Variants in ZYX observed in about 807,000 individuals in gnomAD.
The protein encoded by ZYX is zyxin.
A neutral mutation model predicts 58.1 loss-of-function variants in ZYX; 37 were observed. The ratio of observed to expected loss-of-function variants is 0.64; its 90% CI spans 0.49 to 0.84. The LOEUF is 0.84. ZYX is among the 40% of genes least tolerant of loss of function. The pLI is 0.00. For missense variants in ZYX, 762 were observed against 761.6 expected (o/e 1.00, Z -0.01); for synonymous variants, 324 against 321.1 (o/e 1.01, Z -0.10).
Position 143,385,660 on chromosome 7 carries a change from C to CTTTTTTTTTTTTTTTT in ZYX, c.1023+2349_1023+2364dup, listed in dbSNP as rs59995035. Among the ~76,000 whole-genome samples the CTTTTTTTTTTTTTTTT allele has an allele frequency of 1.2e-3, 82 of 68,966 alleles. 8 individuals are homozygous for CTTTTTTTTTTTTTTTT. Among genetic ancestry groups the CTTTTTTTTTTTTTTTT allele is most frequent in the Admixed American group, 2.9e-3 (12 of 4,202 alleles). The allele number at this position is 68,966 out of a possible 152,430, so 45.2% of individuals were successfully genotyped here. On this transcript the variant is annotated intron_variant, in intron 5 of 9. Transcript: ENST00000322764. ...TGTGTGAGCGTGTGGTGTGGTATAT[C>CTTTTTTTTTTTTTTTT]TTTTTTTTTTTTTTTTTTTTTTTTT...
chr7:143,383,402 G>T, intron 5 of ZYX, 80 bp downstream of exon 5: 1 of 1,483,140 alleles, frequency 6.7e-7, no homozygotes, highest in East Asian at 2.3e-5. Context: ...ATAAGCATAA[G>T]GTGATTGGAG....
Position 143,382,964 on chromosome 7 carries a change from T to TC in ZYX, c.667dup (p.His223ProfsTer27). The TC allele has an allele frequency of 6.2e-7, 1 of 1,613,500 alleles. No individual in the cohort carries two copies. Among genetic ancestry groups the TC allele is most frequent in the Non-Finnish European group, 8.5e-7 (1 of 1,179,660 alleles). On this transcript the variant is annotated frameshift_variant, in exon 5 of 10. Transcript: ENST00000322764. LOFTEE classifies it high-confidence loss of function. ...GCTCCGGCTCAGAGCCAGACACAGT[T>TC]CCATGTTCAGCCCCAGCCCCAGCCC...
At chr7:143,381,491 G>A in intron 1 of ZYX, 66 bp from the exon 2 acceptor site, 7 of 1,460,268 alleles carry the variant, frequency 4.8e-6, no homozygotes, top group Admixed American at 2.4e-5. Context: ...GTCACCAAGG[G>A]GAGCTGGGAC....
rs59995035 is a variant in ZYX at position 143,385,660 on chromosome 7, C to CTTT, written c.1023+2362_1023+2364dup. On this transcript the variant is annotated intron_variant, in intron 5 of 9. Transcript: ENST00000322764. ...TGTGTGAGCGTGTGGTGTGGTATAT[C>CTTT]TTTTTTTTTTTTTTTTTTTTTTTTT... 5.4e-3 allele frequency among the ~76,000 whole-genome samples: 375 copies of CTTT among 68,966 alleles called. 37 individuals are homozygous for CTTT. Among genetic ancestry groups the CTTT allele is most frequent in the African/African-American group, 9.7e-3 (168 of 17,388 alleles). 45.2% of individuals were successfully genotyped at this position (68,966 alleles called of 152,430 possible). A position where few individuals can be genotyped will look rare whatever the true frequency, so the allele number is the denominator to read the frequency against.
rs770668513 is a variant in ZYX at position 143,389,886 on chromosome 7, C to T, written c.1523C>T (p.Ser508Phe). The change falls in exon 9 of 10, where the codon TCT becomes TTT. Residue 508 changes from serine to phenylalanine, a missense_variant. By Grantham distance (155) the Ser-to-Phe change is radical. Coordinates refer to ENST00000322764, the MANE Select transcript of ZYX (RefSeq NM_003461.5). The surrounding 1 kb of genome is among the most constrained non-coding windows in gnomAD (Gnocchi z 5.6). ...TACGCCCCGAGGTGCTCCGTCTGCT[C>T]TGAGCCCATCATGCCTGAGCCTGGC... The part of the protein sequence containing the change: ...KQYAPRCSVC[S>F]EPIMPEPGRD... The T allele has an allele frequency of 6.2e-7, 1 of 1,614,188 alleles. No homozygotes were observed. The highest frequency in any genetic ancestry group is 8.5e-7 in the Non-Finnish European group (1 of 1,180,022).
At position 143,387,364 on chromosome 7, in the gene ZYX, G is replaced by A. The variant is rs540940591; in HGVS notation, c.1024-855G>A. ...AAGGCATCTGCAGGTAGCACACTCA[G>A]TGATGGGGCCACAGTCCTGGGTAGG... On this transcript the variant is annotated intron_variant, in intron 5 of 9. Transcript: ENST00000322764. The surrounding 1 kb of genome is among the most constrained non-coding windows in gnomAD (Gnocchi z 5.8). Among the ~76,000 whole-genome samples, 1 of 152,206 alleles carries A rather than the reference G, an allele frequency of 6.6e-6. No individual in the cohort carries two copies. The highest frequency in any genetic ancestry group is 2.4e-5 in the African/African-American group (1 of 41,514).
Position 143,388,222 on chromosome 7 carries a change from C to T in ZYX, c.1027C>T (p.Arg343Cys), listed in dbSNP as rs376325351. 91 of 1,601,258 alleles carry T rather than the reference C, an allele frequency of 5.7e-5. No homozygotes were observed. The highest frequency in any genetic ancestry group is 2.4e-4 in the South Asian group (22 of 89,880). ...GAGGAAAATGTTGGGATTGCAGGTGCGCTCCCCTGGGGCCCCAGGGCCCCT... is the reference window on the plus strand; with the variant it reads ...GAGGAAAATGTTGGGATTGCAGGTGTGCTCCCCTGGGGCCCCAGGGCCCCT... ...PPPAQNQNQV[R>C]SPGAPGPLTL... Residue 343 changes from arginine to cysteine, a missense_variant, in exon 6 of 10, where the codon CGC becomes TGC. Arg to Cys is a radical substitution (Grantham distance 180). Transcript: ENST00000322764. The surrounding 1 kb of genome is among the most constrained non-coding windows in gnomAD (Gnocchi z 7.5).
Position 143,382,252 on chromosome 7 carries a change from TC to T in ZYX, c.217del (p.Leu73CysfsTer69). Reference sequence around the variant, plus strand: ...TCTTTCTCCTTCCTACCCCAGACTTTCCCCTGCCTCCACCTCCCCTTGCTGG... The same window carrying T: ...TCTTTCTCCTTCCTACCCCAGACTTTCCCTGCCTCCACCTCCCCTTGCTGG... ...EIPPPPPEDF[P>X]LPPPPLAGDG... On this transcript the variant is annotated frameshift_variant, in exon 3 of 10. Transcript: ENST00000322764. LOFTEE classifies it high-confidence loss of function. 1 of 1,612,240 alleles carries T rather than the reference TC, an allele frequency of 6.2e-7. No homozygotes were observed. The highest frequency in any genetic ancestry group is 8.5e-7 in the Non-Finnish European group (1 of 1,179,326).
At position 143,381,537 on chromosome 7, in the gene ZYX, A is replaced by T; in HGVS notation, c.-15-20A>T. On this transcript the variant is annotated intron_variant, in intron 1 of 9. Coordinates refer to ENST00000322764, the MANE Select transcript of ZYX (RefSeq NM_003461.5). ...TCCTGAGCCCGGCTCCGCGCTGCGTAACCCGGCGACCCACCCCAGCAGCCC... is the reference window on the plus strand; with the variant it reads ...TCCTGAGCCCGGCTCCGCGCTGCGTTACCCGGCGACCCACCCCAGCAGCCC... The T allele has an allele frequency of 6.3e-7, 1 of 1,595,378 alleles. No homozygotes were observed. Among genetic ancestry groups the T allele is most frequent in the Non-Finnish European group, 8.5e-7 (1 of 1,170,836 alleles).
In ZYX at chr7:143,383,193, C is replaced by T. The variant is rs760733905; in HGVS notation, c.894C>T (p.His298=). The T allele has an allele frequency of 2.0e-5, 32 of 1,614,190 alleles. No individual in the cohort carries two copies. The South Asian group carries it at 3.0e-4, about 15-fold the overall frequency. ...CACAACCAAATCAAAAATTGGGGCACCCCGAAGCTCTTTCTGCTGGCACAG... is the reference window on the plus strand; with the variant it reads ...CACAACCAAATCAAAAATTGGGGCATCCCGAAGCTCTTTCTGCTGGCACAG... ...SGSQPNQKLG[H]PEALSAGTGS... The change falls in exon 5 of 10, where the codon CAC becomes CAT. Residue 298 remains histidine (H), a synonymous_variant. Coordinates refer to ENST00000322764, the MANE Select transcript of ZYX (RefSeq NM_003461.5).
Position 143,388,751 on chromosome 7 carries a change from C to T in ZYX, c.1315-16C>T. 6.2e-7 allele frequency: 1 copy of T among 1,611,406 alleles called. No individual in the cohort carries two copies. The highest frequency in any genetic ancestry group is 8.5e-7 in the Non-Finnish European group (1 of 1,178,274). On this transcript the variant is annotated splice_polypyrimidine_tract_variant and intron_variant, in intron 7 of 9. Transcript: ENST00000322764. The surrounding 1 kb of genome is among the most constrained non-coding windows in gnomAD (Gnocchi z 7.5). ...GGTGCCGGTTCCCTGCCAACCTCCT[C>T]CTGCTGCCTCCTCAGGACACCCTGG... is the stretch of plus-strand genomic sequence containing the variant.
At position 143,382,389 on chromosome 7, in the gene ZYX, C is replaced by T. The variant is rs1168420417; in HGVS notation, c.350C>T (p.Pro117Leu). 1 of 1,580,188 alleles carries T rather than the reference C, an allele frequency of 6.3e-7. No homozygotes were observed. Among genetic ancestry groups the T allele is most frequent in the South Asian group, 1.1e-5 (1 of 88,170 alleles). ...CTGGAGGAGGAGATCTTCCCTTCCCCGCCGCCTCCTCCGGAGGAGGAGGGA... is the reference window on the plus strand; with the variant it reads ...CTGGAGGAGGAGATCTTCCCTTCCCTGCCGCCTCCTCCGGAGGAGGAGGGA... ...APLEEEIFPS[P>L]PPPPEEEGGP... The change falls in exon 3 of 10, where the codon CCG becomes CTG. Residue 117 changes from proline to leucine, a missense_variant. Coordinates refer to ENST00000322764, the MANE Select transcript of ZYX (RefSeq NM_003461.5).
In ZYX at chr7:143,384,881, A is replaced by G. The variant is rs1804799255; in HGVS notation, c.1023+1559A>G. 6.6e-6 allele frequency among the ~76,000 whole-genome samples: 1 copy of G among 152,170 alleles called. No homozygotes were observed. ...TCCAGCTGTCAACGTTTTGAGCAACAGGTCCCAGGAGGACTTTCAGCTGGG... is the reference window on the plus strand; with the variant it reads ...TCCAGCTGTCAACGTTTTGAGCAACGGGTCCCAGGAGGACTTTCAGCTGGG... On this transcript the variant is annotated intron_variant, in intron 5 of 9. Transcript: ENST00000322764. This position sits in a 1 kb window ranked among gnomAD's most constrained non-coding sequence, Gnocchi z 4.9.
At chr7:143,382,223 G>A (rs1165061361) in intron 2 of ZYX, 25 bp from the exon 3 acceptor site, 1 of 1,604,884 alleles carries the variant, frequency 6.2e-7, no homozygotes, top group Non-Finnish European at 8.5e-7. Context: ...GACCCCGGCC[G>A]ACGTCTTTCT....
rs770130489 is a variant in ZYX at position 143,382,686 on chromosome 7, G to C, written c.501+1G>C. On this transcript the variant is annotated splice_donor_variant, in intron 4 of 9. Transcript: ENST00000322764. LOFTEE classifies it high-confidence loss of function. ...CAAGAATGATCCTTTCAAAGCCCGGGTAAGGGACCGGAGAGTAGGAAAAGC... is the reference window on the plus strand; with the variant it reads ...CAAGAATGATCCTTTCAAAGCCCGGCTAAGGGACCGGAGAGTAGGAAAAGC... 6.2e-7 allele frequency: 1 copy of C among 1,613,980 alleles called. No homozygotes were observed. Among genetic ancestry groups the C allele is most frequent in the African/African-American group, 1.3e-5 (1 of 74,896 alleles).
At position 143,383,493 on chromosome 7, in the gene ZYX, G is replaced by A. The variant is rs76759047; in HGVS notation, c.1023+171G>A. Among the ~76,000 whole-genome samples, 9,559 of 152,158 alleles carry A rather than the reference G, an allele frequency of 0.063. 1,021 individuals carry two copies. The highest frequency in any genetic ancestry group is 0.22 in the African/African-American group (9,091 of 41,440). The stretch of plus-strand genomic sequence containing the variant: ...GGGTTAGCCTGGTGGAACAATGGTA[G>A]GAAAATGCTCCTCTGGAGGAGAGGC... On this transcript the variant is annotated intron_variant, in intron 5 of 9. Transcript: ENST00000322764.
chr7:143,388,648 GC>G lies in ZYX; in HGVS notation c.1305del (p.Cys436ValfsTer21). 6.2e-7 allele frequency: 1 copy of G among 1,613,458 alleles called. No individual in the cohort carries two copies. Among genetic ancestry groups the G allele is most frequent in the Non-Finnish European group, 8.5e-7 (1 of 1,179,840 alleles). ...YSLEGAPYCE[G>X]CYTDTLEKCN... is the part of the protein sequence containing the mutation. ...CTGGAGGGGGCGCCGTACTGCGAGG[GC>G]TGTTACACTGTGAGTCGGGCTGTGC... On this transcript the variant is annotated frameshift_variant, in exon 7 of 10. Transcript: ENST00000322764. LOFTEE classifies it high-confidence loss of function. This position sits in a 1 kb window ranked among gnomAD's most constrained non-coding sequence, Gnocchi z 7.5.
rs1254022168 is a variant in ZYX at position 143,388,398 on chromosome 7, G to A, written c.1144+59G>A. ...CCCCCACATCACGGTGGGGGCCAGG[G>A]CTGTGGCTCCACTCCCTATCTGAGC... On this transcript the variant is annotated intron_variant, in intron 6 of 9. Transcript: ENST00000322764. This position sits in a 1 kb window ranked among gnomAD's most constrained non-coding sequence, Gnocchi z 7.5. The A allele has an allele frequency of 3.7e-6, 6 of 1,608,944 alleles. No individual in the cohort carries two copies. The highest frequency in any genetic ancestry group is 2.2e-5 in the East Asian group (1 of 44,742).
rs76491646 is a variant in ZYX, at chr7:143,384,527, G to C, written c.1023+1205G>C. On this transcript the variant is annotated intron_variant, in intron 5 of 9. Coordinates refer to ENST00000322764, the MANE Select transcript of ZYX (RefSeq NM_003461.5). The surrounding 1 kb of genome is among the most constrained non-coding windows in gnomAD (Gnocchi z 4.9). ...TGGGTCAGGAGGGCTGGTGAAAGCA[G>C]TGTTTTTGGAAGCTTTCTGGAAAGT... is the stretch of plus-strand genomic sequence containing the variant. 0.01 allele frequency among the ~76,000 whole-genome samples: 1,550 copies of C among 152,212 alleles called. 22 individuals carry two copies. The highest frequency in any genetic ancestry group is 0.035 in the African/African-American group (1,449 of 41,514).
Sources: allele counts gnomAD v4.1 joint callset (sites outside exome capture counted in the v4.1 genomes callset), GRCh38; gene constraint gnomAD v4.1.1; non-coding constraint Gnocchi (gnomAD v3.1); transcripts MANE v1.5; gene names NCBI Gene and HGNC (gene_info 2026-07-23, HGNC 2026-07-21).